Variants in FOXP1 observed in about 807,000 individuals in gnomAD.
The protein encoded by FOXP1 is forkhead box protein P1.
In FOXP1, 15 loss-of-function variants were observed where a neutral mutation model predicts 98.2. The ratio of observed to expected loss-of-function variants is 0.15; its 90% CI spans 0.10 to 0.24. The LOEUF (loss-of-function observed/expected upper bound fraction) is 0.24. FOXP1 is among the 10% of genes least tolerant of loss of function. FOXP1 has a pLI of 1.00. For missense variants in FOXP1, 633 were observed against 848.5 expected (o/e 0.75, Z 3.15); for synonymous variants, 371 against 314.5 (o/e 1.18, Z -1.90).
intron 5 of FOXP1, among the ~76,000 whole-genome samples, chr3:71,206,735 A>G (rs1470135248): frequency 6.6e-6 from 1 of 152,222 alleles, no homozygotes; most frequent in African/African-American, 2.4e-5. Flanking sequence ...TAATCTTTAT[A>G]AGACACCAAT....
intron 3 of FOXP1, among the ~76,000 whole-genome samples, chr3:71,464,323 G>A (rs973043606): frequency 1.4e-4 from 21 of 152,190 alleles, no homozygotes; most frequent in African/African-American, 5.1e-4. Context: ...CAAGTCGGGA[G>A]CAGGTGACCA....
intron 7 of FOXP1, among the ~76,000 whole-genome samples, chr3:71,099,536 A>C (rs2056777866): frequency 6.6e-6 from 1 of 152,090 alleles, no homozygotes; most frequent in African/African-American, 2.4e-5. Context: ...AAACAAAACA[A>C]AACAAAACAA....
intron 7 of FOXP1, among the ~76,000 whole-genome samples, chr3:71,083,193 T>C (rs1305159030): frequency 6.6e-6 from 1 of 152,126 alleles, no homozygotes; most frequent in Non-Finnish European, 1.5e-5. Flanking sequence ...CTTGGTGCTG[T>C]CCTCGTGACA....
intron 2 of FOXP1, among the ~76,000 whole-genome samples, chr3:71,532,795 G>A (rs895571564): frequency 4.6e-5 from 7 of 152,078 alleles, no homozygotes; most frequent in South Asian, 2.1e-4. Context: ...AGAAAGTGCC[G>A]TAAGCAACAA....
At chr3:71,028,272 C>T (rs972274571) in intron 11 of FOXP1, among the ~76,000 whole-genome samples, 1 of 152,164 alleles carries the variant, frequency 6.6e-6, no homozygotes, top group African/African-American at 2.4e-5. Context: ...ATCCAGATCA[C>T]TTATCCGTCA....
chr3:71,060,482 T>C (rs1000131719), intron 7 of FOXP1, among the ~76,000 whole-genome samples: 6 of 151,966 alleles, frequency 3.9e-5, no homozygotes, highest in Non-Finnish European at 7.4e-5. Flanking sequence ...CCTAGTAAAA[T>C]CAAGGCAAAT....
At chr3:71,028,071 C>T (rs1459233520) in intron 11 of FOXP1, among the ~76,000 whole-genome samples, 2 of 152,014 alleles carry the variant, frequency 1.3e-5, no homozygotes, top group Non-Finnish European at 2.9e-5. Flanking sequence ...AGCAGAGAAC[C>T]GAAGCACACA....
intron 20 of FOXP1, among the ~76,000 whole-genome samples, chr3:70,964,400 T>C (rs1379615752): frequency 6.6e-6 from 1 of 152,240 alleles, no homozygotes; most frequent in Non-Finnish European, 1.5e-5. Context: ...CTCTTTGTTT[T>C]AGTGATTCTT....
intron 6 of FOXP1, among the ~76,000 whole-genome samples, chr3:71,123,614 C>T (rs1228029267): frequency 6.6e-6 from 1 of 152,180 alleles, no homozygotes; most frequent in Non-Finnish European, 1.5e-5. Flanking sequence ...ACAGTTAATG[C>T]CTCTGGACAC....
chr3:71,370,033 T>C (rs2079185826), intron 3 of FOXP1, among the ~76,000 whole-genome samples: 1 of 152,070 alleles, frequency 6.6e-6, no homozygotes, highest in African/African-American at 2.4e-5. Context: ...TAGAAGTCGG[T>C]GGGTGTTAGC....
intron 11 of FOXP1, among the ~76,000 whole-genome samples, chr3:71,035,807 A>C (rs1222387308): frequency 6.6e-6 from 1 of 152,186 alleles, no homozygotes. Flanking sequence ...AAACTCTTCA[A>C]AATAATGGGA....
intron 5 of FOXP1, among the ~76,000 whole-genome samples, chr3:71,266,699 C>T (rs897352856): frequency 6.6e-6 from 1 of 152,144 alleles, no homozygotes; most frequent in East Asian, 1.9e-4. Context: ...ACCACTGTAT[C>T]CACTAAGTAA....
chr3:71,272,072 TAA>T (rs2070418378), intron 5 of FOXP1, among the ~76,000 whole-genome samples: 2 of 152,160 alleles, frequency 1.3e-5, no homozygotes, highest in African/African-American at 4.8e-5. Context: ...AAAAGAGTCT[TAA>T]TAGACAGGTT....
chr3:70,993,530 T>TC (rs1431033738), intron 13 of FOXP1, among the ~76,000 whole-genome samples: 1 of 152,194 alleles, frequency 6.6e-6, no homozygotes, highest in Non-Finnish European at 1.5e-5. Flanking sequence ...AACTTCAGTT[T>TC]CCTCATCTGG....
intron 5 of FOXP1, among the ~76,000 whole-genome samples, chr3:71,256,790 A>C (rs1316902107): frequency 1.3e-5 from 2 of 152,120 alleles, no homozygotes; most frequent in Non-Finnish European, 2.9e-5. Context: ...TAGATATGGG[A>C]CTTAGACTAG....
At chr3:71,058,234 C>G (rs1364304549) in intron 7 of FOXP1, among the ~76,000 whole-genome samples, 2 of 152,076 alleles carry the variant, frequency 1.3e-5, no homozygotes, top group Admixed American at 1.3e-4. Flanking sequence ...AGTTTACACT[C>G]CAGTCAACTA....
chr3:71,187,602 T>C lies in FOXP1; in HGVS notation c.180+10600A>G, dbSNP rs966509195. On this transcript the variant is annotated intron_variant, in intron 6 of 20. Coordinates refer to ENST00000649528, the MANE Select transcript of FOXP1 (RefSeq NM_001349338.3). The stretch of plus-strand genomic sequence containing the variant: ...CCATCTCAAAAAACAAAAAAACTAC[T>C]AATGATACAGTAAGTCTATATAAAT... Among the ~76,000 whole-genome samples the C allele has an allele frequency of 6.6e-5, 10 of 152,042 alleles. No homozygotes were observed. In the East Asian group the frequency reaches 1.9e-3, roughly 29 times the overall value.
chr3:71,435,206 A>C (rs1325066761), intron 3 of FOXP1, among the ~76,000 whole-genome samples: 1 of 123,124 alleles, frequency 8.1e-6, no homozygotes, highest in East Asian at 2.6e-4. Flanking sequence ...GAAGAAGGGA[A>C]GGAAGGGAAG....
chr3:71,271,586 G>A (rs557411271), intron 5 of FOXP1, among the ~76,000 whole-genome samples: 1 of 152,142 alleles, frequency 6.6e-6, no homozygotes, highest in Non-Finnish European at 1.5e-5. Flanking sequence ...CACATCAAGA[G>A]AACTTAATTC....
Sources: allele counts gnomAD v4.1 joint callset (sites outside exome capture counted in the v4.1 genomes callset), GRCh38; gene constraint gnomAD v4.1.1; transcripts MANE v1.5; gene names NCBI Gene and HGNC (gene_info 2026-07-23, HGNC 2026-07-21).